SENP6: variants seen among roughly 807,000 people sequenced by gnomAD.
The protein encoded by SENP6 is SUMO specific peptidase 6.
In SENP6, 41 loss-of-function variants were observed where a neutral mutation model predicts 134.5. The ratio of observed to expected loss-of-function variants is 0.30; its 90% CI spans 0.24 to 0.40. SENP6 has a LOEUF of 0.40. Among genes scored for constraint, SENP6 ranks in the 10% least tolerant of loss-of-function variants. SENP6 has a pLI of 1.00. For synonymous variants in SENP6, 395 were observed against 429.8 expected (o/e 0.92, Z 1.00); for missense variants, 1,248 against 1,312.5 (o/e 0.95, Z 0.76).
Position 75,602,496 on chromosome 6 carries a change from TAAG to T in SENP6, c.-25_-23del. ...CACGGCGGCGGTGTGGGCCATGGAT[TAAG>T]AAGGAGGCGGCGTGGGAGGAGGAAG... On this transcript the variant is annotated 5_prime_UTR_variant, in exon 1 of 24. Coordinates refer to ENST00000447266, the MANE Select transcript of SENP6 (RefSeq NM_015571.4). 1.9e-6 allele frequency: 3 copies of T among 1,550,712 alleles called. No homozygotes were observed. The highest frequency in any genetic ancestry group is 2.4e-5 in the South Asian group (2 of 84,054).
chr6:75,688,070 C>T (rs535717288), intron 16 of SENP6, among the ~76,000 whole-genome samples: 1 of 152,336 alleles, frequency 6.6e-6, no homozygotes, highest in Non-Finnish European at 1.5e-5. Flanking sequence ...GCTTCCTGGC[C>T]GCTTTGTTTA....
chr6:75,649,264 G>A (rs986886893), intron 7 of SENP6, among the ~76,000 whole-genome samples: 1 of 151,936 alleles, frequency 6.6e-6, no homozygotes, highest in Non-Finnish European at 1.5e-5. Context: ...GCAGTGAGCC[G>A]AGATCGCATC....
At chr6:75,691,625 A>C (rs191416723) in intron 16 of SENP6, among the ~76,000 whole-genome samples, 1 of 149,918 alleles carries the variant, frequency 6.7e-6, no homozygotes, top group African/African-American at 2.5e-5. Flanking sequence ...TTTGAGACGG[A>C]GCCTCGCTCT....
intron 9 of SENP6, 90 bp downstream of exon 9, chr6:75,663,608 ATTT>A: frequency 1.1e-6 from 1 of 929,040 alleles, no homozygotes; most frequent in Non-Finnish European, 1.6e-6. Flanking sequence ...CCCCATATAT[ATTT>A]TTAATATAAA....
intron 20 of SENP6, among the ~76,000 whole-genome samples, chr6:75,711,091 T>C (rs1240017753): frequency 6.6e-6 from 1 of 152,188 alleles, no homozygotes; most frequent in Non-Finnish European, 1.5e-5. Context: ...ATTGAGTAAA[T>C]AGATGTAACA....
chr6:75,649,419 T>G (rs1770697706), intron 7 of SENP6, among the ~76,000 whole-genome samples: 1 of 152,268 alleles, frequency 6.6e-6, no homozygotes, highest in South Asian at 2.1e-4. Context: ...TTTTAAAGTT[T>G]ATTCAACAGC....
intron 18 of SENP6, among the ~76,000 whole-genome samples, chr6:75,700,459 G>A (rs1306896187): frequency 6.6e-6 from 1 of 152,118 alleles, no homozygotes; most frequent in Non-Finnish European, 1.5e-5. Flanking sequence ...TAGGTTGAGA[G>A]TCACTGTATT....
rs1311160688 is a variant in SENP6, at chr6:75,716,993, G to T, written c.*1399G>T. The T allele has an allele frequency of 2.0e-5, 3 of 151,932 alleles. No homozygotes were observed. Among genetic ancestry groups the T allele is most frequent in the Admixed American group, 6.6e-5 (1 of 15,248 alleles). 9.4% of individuals were successfully genotyped at this position (151,932 alleles called of 1,614,324 possible). On this transcript the variant is annotated 3_prime_UTR_variant, in exon 24 of 24. Coordinates refer to ENST00000447266, the MANE Select transcript of SENP6 (RefSeq NM_015571.4). ...ACCAAAAAATATCTATTGAGACACA[G>T]TAGAGTCTCAGTAAGAGAAATATTA...
In SENP6 at chr6:75,603,646, C is replaced by T. The variant is rs80217916; in HGVS notation, c.52+1070C>T. Among the ~76,000 whole-genome samples the T allele has an allele frequency of 2.5e-3, 378 of 152,220 alleles. 1 individual carries two copies. The highest frequency in any genetic ancestry group is 8.5e-3 in the African/African-American group (353 of 41,520). On this transcript the variant is annotated intron_variant, in intron 1 of 23. Coordinates refer to ENST00000447266, the MANE Select transcript of SENP6 (RefSeq NM_015571.4). The stretch of plus-strand genomic sequence containing the variant: ...ACTTAAAATTAAGAAAATCCCTAAA[C>T]AGGTTCTATAGGAGGGTGTTGAGGA...
chr6:75,625,110 TCC>T, intron 3 of SENP6, among the ~76,000 whole-genome samples: 3 of 108,150 alleles, frequency 2.8e-5, no homozygotes, highest in Non-Finnish European at 5.6e-5. Flanking sequence ...TGTGTGTGTG[TCC>T]TTTTTTTTTT....
intron 16 of SENP6, among the ~76,000 whole-genome samples, chr6:75,683,921 T>C (rs991602542): frequency 2.0e-5 from 3 of 152,164 alleles, no homozygotes; most frequent in Non-Finnish European, 2.9e-5. Flanking sequence ...TAGTTTTTTC[T>C]AATTCTGTGA....
chr6:75,677,310 G>A, intron 14 of SENP6, 54 bp downstream of exon 14: 1 of 1,176,656 alleles, frequency 8.5e-7, no homozygotes, highest in Admixed American at 2.6e-5. Context: ...AGTTTTAAAG[G>A]GAAATATGTT....
intron 23 of SENP6, 103 bp downstream of exon 23, chr6:75,713,928 A>C: frequency 1.1e-6 from 1 of 930,418 alleles, no homozygotes; most frequent in Non-Finnish European, 1.5e-6. Flanking sequence ...AAGAGTTTCA[A>C]AATTATTGTT....
At chr6:75,656,849 T>C (rs1771381838) in intron 7 of SENP6, among the ~76,000 whole-genome samples, 1 of 152,200 alleles carries the variant, frequency 6.6e-6, no homozygotes. Context: ...TTTAATGTCA[T>C]TTTTCTCTAC....
chr6:75,641,380 C>G (rs1471377362), intron 6 of SENP6, among the ~76,000 whole-genome samples: 1 of 151,768 alleles, frequency 6.6e-6, no homozygotes, highest in Admixed American at 6.6e-5. Context: ...GTGATAATAC[C>G]CTTGTTTTTA....
chr6:75,651,552 G>C (rs715091), intron 7 of SENP6, among the ~76,000 whole-genome samples: 1 of 151,984 alleles, frequency 6.6e-6, no homozygotes, highest in African/African-American at 2.4e-5. Context: ...AGGTTTCACC[G>C]TGTTGCCCAG....
Position 75,678,832 on chromosome 6 carries a change from T to A in SENP6, c.1980T>A (p.Pro660=). 6.2e-7 allele frequency: 1 copy of A among 1,605,028 alleles called. No individual in the cohort carries two copies. The highest frequency in any genetic ancestry group is 8.5e-7 in the Non-Finnish European group (1 of 1,172,680). Residue 660 remains proline, a synonymous_variant, in exon 16 of 24, where the codon CCT becomes CCA. Transcript: ENST00000447266. ...PVEKLIVYPP[P]PAKGGISVTN... ...ACAGGTTGATAGTATATCCACCACC[T>A]CCAGCTAAGGGAGGCATCTCTGTTA...
At chr6:75,634,537 CAA>C (rs1769357548) in intron 4 of SENP6, among the ~76,000 whole-genome samples, 168 bp from the exon 5 acceptor site, 1 of 152,008 alleles carries the variant, frequency 6.6e-6, no homozygotes, top group Admixed American at 6.6e-5. Context: ...ATTTGAAAGA[CAA>C]ATTCAGGAAA....
At chr6:75,674,331 C>CT (rs1426715189) in intron 11 of SENP6, among the ~76,000 whole-genome samples, 3 of 151,578 alleles carry the variant, frequency 2.0e-5, no homozygotes, top group Non-Finnish European at 4.4e-5. Flanking sequence ...GTAAGTTTTT[C>CT]TTTTTTTGAG....
Sources: allele counts gnomAD v4.1 joint callset (sites outside exome capture counted in the v4.1 genomes callset), GRCh38; gene constraint gnomAD v4.1.1; transcripts MANE v1.5; gene names NCBI Gene and HGNC (gene_info 2026-07-23, HGNC 2026-07-21).